The following NRXN3 variants were observed in gnomAD, a reference collection of about 807,000 sequenced individuals.
NRXN3 encodes the protein neurexin III.
NRXN3 carries 32 observed loss-of-function variants against 137.6 expected under a neutral mutation model. The ratio of observed to expected loss-of-function variants is 0.23; its 90% CI spans 0.18 to 0.31. NRXN3 has a LOEUF of 0.31. Among genes scored for constraint, NRXN3 ranks in the 10% least tolerant of loss-of-function variants. The probability of loss-of-function intolerance (pLI) is 1.00; values close to 1 mark genes in which losing one functional copy is unlikely to be tolerated. For missense variants in NRXN3, 1,574 were observed against 2,062.5 expected, an observed-to-expected ratio of 0.76 and a Z score of 4.59; for synonymous variants, 798 against 784.5, an observed-to-expected ratio of 1.02 and a Z score of -0.29.
chr14:78,999,831 C>A (rs1434896390), intron 15 of NRXN3, among the ~76,000 whole-genome samples: 1 of 152,138 alleles, frequency 6.6e-6, no homozygotes, highest in Non-Finnish European at 1.5e-5. Flanking sequence ...CACTCACTTC[C>A]AAAGTGATGT....
At chr14:79,041,067 C>G (rs1024058410) in intron 15 of NRXN3, among the ~76,000 whole-genome samples, 1 of 152,172 alleles carries the variant, frequency 6.6e-6, no homozygotes, top group African/African-American at 2.4e-5. Context: ...TTTCTCCTCT[C>G]TCATAATGAT....
intron 4 of NRXN3, among the ~76,000 whole-genome samples, chr14:78,353,846 G>T (rs1297135241): frequency 6.6e-6 from 1 of 152,104 alleles, no homozygotes; most frequent in African/African-American, 2.4e-5. Flanking sequence ...CTGAACTTCT[G>T]GTTCCTCATA....
chr14:79,170,773 T>C (rs1177527776), intron 15 of NRXN3, among the ~76,000 whole-genome samples: 1 of 152,182 alleles, frequency 6.6e-6, no homozygotes, highest in Admixed American at 6.5e-5. Flanking sequence ...CCTGTATTCA[T>C]TGTGATACAA....
At chr14:79,489,962 C>G (rs192305786) in intron 16 of NRXN3, among the ~76,000 whole-genome samples, 1 of 144,488 alleles carries the variant, frequency 6.9e-6, no homozygotes, top group South Asian at 2.2e-4. Context: ...TGGCGTGAAC[C>G]TGGGAGGCAG....
At chr14:79,232,032 A>T (rs1356639048) in intron 15 of NRXN3, among the ~76,000 whole-genome samples, 1 of 152,162 alleles carries the variant, frequency 6.6e-6, no homozygotes, top group Admixed American at 6.5e-5. Flanking sequence ...CACCTGGGGA[A>T]GTAATTGGAA....
At chr14:78,650,791 C>A (rs1265355578) in intron 5 of NRXN3, among the ~76,000 whole-genome samples, 2 of 152,136 alleles carry the variant, frequency 1.3e-5, no homozygotes, top group Non-Finnish European at 2.9e-5. Flanking sequence ...TTTTCACTAC[C>A]ACCATGAATA....
At chr14:79,788,955 A>T (rs545626119) in intron 19 of NRXN3, among the ~76,000 whole-genome samples, 1 of 152,312 alleles carries the variant, frequency 6.6e-6, no homozygotes, top group South Asian at 2.1e-4. Context: ...CCAAAACATA[A>T]AGTTATGAAC....
intron 4 of NRXN3, among the ~76,000 whole-genome samples, chr14:78,361,859 A>G (rs1392636896): frequency 2.0e-5 from 3 of 152,150 alleles, no homozygotes; most frequent in African/African-American, 7.2e-5. Context: ...GAATCACATC[A>G]AGGTACTTTT....
chr14:79,219,089 A>G (rs2069050545), intron 15 of NRXN3, among the ~76,000 whole-genome samples: 1 of 152,238 alleles, frequency 6.6e-6, no homozygotes, highest in Non-Finnish European at 1.5e-5. Context: ...TTAAAAGTAT[A>G]TAAATGTTAG....
intron 16 of NRXN3, among the ~76,000 whole-genome samples, chr14:79,576,561 A>C (rs1036062730): frequency 6.6e-6 from 1 of 152,248 alleles, no homozygotes; most frequent in East Asian, 1.9e-4. Flanking sequence ...AGGAAAGACA[A>C]ATGGGAAGAC....
intron 15 of NRXN3, among the ~76,000 whole-genome samples, chr14:79,037,421 G>A (rs1030637219): frequency 3.3e-5 from 5 of 152,058 alleles, no homozygotes; most frequent in African/African-American, 1.2e-4. Flanking sequence ...TATAATCTGA[G>A]TACCACTTCC....
chr14:79,130,269 A>G (rs1458406107), intron 15 of NRXN3, among the ~76,000 whole-genome samples: 1 of 150,630 alleles, frequency 6.6e-6, no homozygotes, highest in Non-Finnish European at 1.5e-5. Context: ...GTTTCTTCCT[A>G]GTCTCGATGG....
At chr14:79,650,430 A>T (rs1360481887) in intron 16 of NRXN3, among the ~76,000 whole-genome samples, 1 of 152,170 alleles carries the variant, frequency 6.6e-6, no homozygotes, top group Non-Finnish European at 1.5e-5. Context: ...GTTATTAGAA[A>T]CATCTCTTAT....
chr14:79,845,558 CAGAG>C (rs757669100), intron 20 of NRXN3, among the ~76,000 whole-genome samples: 39 of 141,634 alleles, frequency 2.8e-4, no homozygotes, highest in Non-Finnish European at 3.1e-4. Context: ...CAAGGATAGA[CAGAG>C]AGAGAGAGAG....
chr14:79,466,541 T>G (rs962943743), intron 15 of NRXN3, among the ~76,000 whole-genome samples: 1 of 151,990 alleles, frequency 6.6e-6, no homozygotes, highest in African/African-American at 2.4e-5. Flanking sequence ...TGAGCCGAGG[T>G]TGCGCCACTG....
At chr14:78,763,207 GA>G (rs1293239452) in intron 8 of NRXN3, among the ~76,000 whole-genome samples, 1 of 152,196 alleles carries the variant, frequency 6.6e-6, no homozygotes, top group Non-Finnish European at 1.5e-5. Context: ...GTCAACACAT[GA>G]TTGGGAGCAA....
chr14:79,003,504 A>G (rs575837675), intron 15 of NRXN3, among the ~76,000 whole-genome samples: 2 of 152,358 alleles, frequency 1.3e-5, no homozygotes, highest in South Asian at 4.1e-4. Context: ...CTCTAAGGCC[A>G]GGCCAGCTTG....
chr14:78,870,253 A>C (rs781604425), intron 10 of NRXN3, among the ~76,000 whole-genome samples: 1 of 152,210 alleles, frequency 6.6e-6, no homozygotes, highest in Non-Finnish European at 1.5e-5. Context: ...AGTCTTTATC[A>C]ATCTTGGTAT....
intron 4 of NRXN3, among the ~76,000 whole-genome samples, chr14:78,560,082 G>T (rs995508311): frequency 1.3e-5 from 2 of 152,184 alleles, no homozygotes; most frequent in Non-Finnish European, 2.9e-5. Context: ...GGGGCCATTG[G>T]CTATGAAAGG....
Sources: allele counts gnomAD v4.1 joint callset (sites outside exome capture counted in the v4.1 genomes callset), GRCh38; gene constraint gnomAD v4.1.1; transcripts MANE v1.5; gene names NCBI Gene and HGNC (gene_info 2026-07-23, HGNC 2026-07-21).